FRMD4B: variants seen among roughly 807,000 people sequenced by gnomAD.
FRMD4B encodes FERM domain-containing protein 4B.
A neutral mutation model predicts 141.5 loss-of-function variants in FRMD4B; 74 were observed. That is an observed-to-expected ratio of 0.52 (90% confidence interval 0.43 to 0.63). The LOEUF (loss-of-function observed/expected upper bound fraction) is 0.63. Ranked by LOEUF, FRMD4B falls within the 30% of genes least tolerant of loss-of-function variation. The pLI, the probability that FRMD4B is intolerant of heterozygous loss-of-function variation, is 0.00. For synonymous variants in FRMD4B, 506 were observed against 467.9 expected (o/e 1.08, Z -1.05); for missense variants, 1,366 against 1,253.4 (o/e 1.09, Z -1.36).
chr3:69,249,391 T>A (rs952062239), intron 6 of FRMD4B, 143 bp from the exon 7 acceptor site: 1 of 573,378 alleles, frequency 1.7e-6, no homozygotes, highest in African/African-American at 2.0e-5. Context: ...CCTATAGGCA[T>A]AAGAAGAATT....
chr3:69,423,454 C>T (rs9310152), intron 2 of FRMD4B, among the ~76,000 whole-genome samples: 59,151 of 152,056 alleles, frequency 0.39, 12,612 homozygotes, highest in African/African-American at 0.56. Context: ...TAGGTACACA[C>T]GTCCCTTTCA....
intron 2 of FRMD4B, among the ~76,000 whole-genome samples, chr3:69,312,468 A>G (rs1056050808): frequency 1.3e-5 from 2 of 152,246 alleles, no homozygotes; most frequent in Non-Finnish European, 2.9e-5. Context: ...TCAGAAGAGA[A>G]AAGAATTTAG....
intron 1 of FRMD4B, among the ~76,000 whole-genome samples, chr3:69,479,391 G>A (rs371375919): frequency 6.6e-6 from 1 of 152,030 alleles, no homozygotes; most frequent in African/African-American, 2.4e-5. Context: ...AGCTCTTTTA[G>A]GGCAGGCCTG....
intron 1 of FRMD4B, among the ~76,000 whole-genome samples, chr3:69,361,369 T>C (rs1450061591): frequency 6.6e-6 from 1 of 152,188 alleles, no homozygotes; most frequent in Non-Finnish European, 1.5e-5. Context: ...CAGTGTCTGT[T>C]ACTGCTTTTT....
In FRMD4B at chr3:69,298,195, G is replaced by A. The variant is rs142524804; in HGVS notation, c.416+4148C>T. On this transcript the variant is annotated intron_variant, in intron 4 of 22. Coordinates refer to ENST00000398540, the MANE Select transcript of FRMD4B (RefSeq NM_015123.3). Reference sequence around the variant, plus strand: ...TAGAGAGAAAACTTCTTGAGAGCAAGTTCTCGTGGAATTTTTCTTTTTCAT... The same window carrying A: ...TAGAGAGAAAACTTCTTGAGAGCAAATTCTCGTGGAATTTTTCTTTTTCAT... Among the ~76,000 whole-genome samples, 188 of 152,326 alleles carry A rather than the reference G, an allele frequency of 1.2e-3. 2 individuals carry two copies. Among genetic ancestry groups the A allele is most frequent in the Middle Eastern group, 6.8e-3 (2 of 294 alleles).
At chr3:69,540,654 TATATATACACAC>T (rs1350493152) in intron 1 of FRMD4B, among the ~76,000 whole-genome samples, 8 of 78,240 alleles carry the variant, frequency 1.0e-4, no homozygotes, top group Admixed American at 7.8e-4. Context: ...TATATATATA[TATATATACACAC>T]ACACACACAC....
At chr3:69,334,757 T>G (rs1333300067) in intron 1 of FRMD4B, among the ~76,000 whole-genome samples, 3 of 152,170 alleles carry the variant, frequency 2.0e-5, no homozygotes, top group Non-Finnish European at 4.4e-5. Flanking sequence ...TAGCATCCAT[T>G]CACATATTCA....
At chr3:69,351,833 T>C (rs1161821064) in intron 1 of FRMD4B, among the ~76,000 whole-genome samples, 3 of 152,186 alleles carry the variant, frequency 2.0e-5, no homozygotes, top group Non-Finnish European at 4.4e-5. Flanking sequence ...AATGAGGAGA[T>C]TGGACAAAGT....
intron 7 of FRMD4B, among the ~76,000 whole-genome samples, chr3:69,232,846 A>G (rs1253558987): frequency 1.3e-5 from 2 of 150,054 alleles, no homozygotes; most frequent in Non-Finnish European, 3.0e-5. Flanking sequence ...GGCATCCTCC[A>G]TTTGTAGAAC....
intron 2 of FRMD4B, among the ~76,000 whole-genome samples, chr3:69,431,334 C>CT (rs1705175554): frequency 6.6e-6 from 1 of 152,184 alleles, no homozygotes; most frequent in Non-Finnish European, 1.5e-5. Context: ...GCCCCTGTAG[C>CT]TTTTTTCTAT....
intron 5 of FRMD4B, among the ~76,000 whole-genome samples, chr3:69,259,749 A>T (rs2093514229): frequency 6.6e-6 from 1 of 152,248 alleles, no homozygotes; most frequent in African/African-American, 2.4e-5. Context: ...TTAAAAAAGA[A>T]ATAATAATTT....
chr3:69,258,681 C>T (rs1264849631), intron 5 of FRMD4B, among the ~76,000 whole-genome samples: 2 of 152,124 alleles, frequency 1.3e-5, no homozygotes, highest in South Asian at 4.1e-4. Flanking sequence ...ATCTGAGTTG[C>T]GTATACATTA....
At chr3:69,208,836 A>G (rs2093049245) in intron 11 of FRMD4B, among the ~76,000 whole-genome samples, 2 of 152,070 alleles carry the variant, frequency 1.3e-5, no homozygotes, top group East Asian at 1.9e-4. Context: ...ATTTTTCCTT[A>G]TTTTTAGTAA....
chr3:69,484,466 G>A (rs747773783), intron 1 of FRMD4B, among the ~76,000 whole-genome samples: 225 of 152,266 alleles, frequency 1.5e-3, no homozygotes, highest in Non-Finnish European at 2.7e-3. Context: ...GGAAGACTGA[G>A]GTACACAGAC....
intron 5 of FRMD4B, among the ~76,000 whole-genome samples, chr3:69,285,397 C>CAA (rs56161837): frequency 0.13 from 12,766 of 98,552 alleles, 749 homozygotes; most frequent in Non-Finnish European, 0.16. Flanking sequence ...TACATGAGGC[C>CAA]AAAAAAAAAA....
chr3:69,315,776 C>T (rs1022528048), intron 1 of FRMD4B, among the ~76,000 whole-genome samples: 52 of 152,222 alleles, frequency 3.4e-4, no homozygotes, highest in Non-Finnish European at 1.0e-4. Flanking sequence ...GAACTTTGCA[C>T]ATCTAGCTTT....
At chr3:69,282,175 A>C (rs1028247272) in intron 5 of FRMD4B, among the ~76,000 whole-genome samples, 4 of 152,206 alleles carry the variant, frequency 2.6e-5, no homozygotes, top group Admixed American at 6.5e-5. Flanking sequence ...TTGTGGTTTT[A>C]TCAGTATTTG....
chr3:69,262,422 A>G (rs1412368458), intron 5 of FRMD4B, among the ~76,000 whole-genome samples: 4 of 138,586 alleles, frequency 2.9e-5, no homozygotes, highest in Non-Finnish European at 6.2e-5. Flanking sequence ...AAGCAGTGCT[A>G]TTTGTAATAA....
intron 1 of FRMD4B, among the ~76,000 whole-genome samples, chr3:69,461,361 C>A (rs1382842147): frequency 6.7e-6 from 1 of 149,750 alleles, no homozygotes; most frequent in African/African-American, 2.5e-5. Context: ...GAGTTCGAGA[C>A]CATCCTGGGA....
Sources: gnomAD v4.1 joint callset for allele counts (sites outside exome capture counted in the v4.1 genomes callset) on GRCh38, gnomAD v4.1.1 for gene constraint, MANE v1.5 for transcripts, NCBI Gene and HGNC (gene_info 2026-07-23, HGNC 2026-07-21) for gene names.